Variants in ERG observed in about 807,000 individuals in gnomAD.
ERG encodes transcriptional regulator ERG.
A neutral mutation model predicts 55.3 loss-of-function variants in ERG; 9 were observed. The observed-to-expected ratio is 0.16, with a 90% CI of 0.10 to 0.28. ERG has a LOEUF of 0.28. Ranked by LOEUF, ERG falls within the 10% of genes least tolerant of loss-of-function variation. The pLI, the probability that ERG is intolerant of heterozygous loss-of-function variation, is 1.00. For missense variants in ERG, 434 were observed against 631.6 expected, an observed-to-expected ratio of 0.69 and a Z score of 3.35; for synonymous variants, 223 against 237.3, an observed-to-expected ratio of 0.94 and a Z score of 0.55.
rs757415467 is a variant in ERG at position 38,649,203 on chromosome 21, C to T, written c.-150+12455G>A. Among the ~76,000 whole-genome samples, 8 of 152,346 alleles carry T rather than the reference C, an allele frequency of 5.3e-5. No homozygotes were observed. The East Asian group carries it at 9.6e-4, about 18-fold the overall frequency. On this transcript the variant is annotated intron_variant, in intron 1 of 10. Transcript: ENST00000398910. ...CCCAACCTGAGAAGCTGATGGGAAA[C>T]GGCTGTTTTGGCATCACCGAGGGCT...
At chr21:38,546,417 G>A (rs575708567) in intron 2 of ERG, among the ~76,000 whole-genome samples, 142 of 152,148 alleles carry the variant, frequency 9.3e-4, no homozygotes, top group Middle Eastern at 3.4e-3. Flanking sequence ...CTTCTTGTGC[G>A]GGTGTATGCT....
intron 1 of ERG, among the ~76,000 whole-genome samples, chr21:38,580,945 G>A (rs564026315): frequency 6.6e-6 from 1 of 152,188 alleles, no homozygotes; most frequent in Non-Finnish European, 1.5e-5. Flanking sequence ...TGTGTTCTGC[G>A]GGTTAGGGGA....
intron 2 of ERG, among the ~76,000 whole-genome samples, chr21:38,515,337 C>T (rs1246467624): frequency 6.6e-6 from 1 of 151,876 alleles, no homozygotes; most frequent in Admixed American, 6.6e-5. Context: ...GAAATGGATA[C>T]ATTTCTGAAC....
intron 1 of ERG, among the ~76,000 whole-genome samples, chr21:38,610,752 T>A (rs2060222118): frequency 6.6e-6 from 1 of 152,168 alleles, no homozygotes; most frequent in Admixed American, 6.5e-5. Flanking sequence ...GGACTGTGCA[T>A]CTTGGCCACC....
At chr21:38,538,886 T>G (rs2059730799) in intron 2 of ERG, among the ~76,000 whole-genome samples, 1 of 151,780 alleles carries the variant, frequency 6.6e-6, no homozygotes, top group South Asian at 2.1e-4. Flanking sequence ...ACTGAGTTTC[T>G]TTCACAGTGC....
At chr21:38,611,725 T>C (rs1038240181) in intron 1 of ERG, among the ~76,000 whole-genome samples, 8 of 152,148 alleles carry the variant, frequency 5.3e-5, no homozygotes, top group Non-Finnish European at 1.2e-4. Flanking sequence ...ATTTGTCTTA[T>C]TGTCTGTCTG....
chr21:38,385,170 G>A (rs1280785619), intron 9 of ERG, among the ~76,000 whole-genome samples: 1 of 152,170 alleles, frequency 6.6e-6, no homozygotes, highest in Admixed American at 6.6e-5. Context: ...TACAATACTT[G>A]AAGATAGTTT....
At chr21:38,595,282 C>G (rs1057441519) in intron 1 of ERG, among the ~76,000 whole-genome samples, 16 of 152,100 alleles carry the variant, frequency 1.1e-4, no homozygotes, top group African/African-American at 3.9e-4. Flanking sequence ...GAGGCCAGTT[C>G]CAGGATGGCT....
At chr21:38,406,154 CAAAAAAAAA>C (rs56711562) in intron 3 of ERG, among the ~76,000 whole-genome samples, 33 of 95,026 alleles carry the variant, frequency 3.5e-4, no homozygotes, top group African/African-American at 1.2e-3. Flanking sequence ...GACTCCATCT[CAAAAAAAAA>C]AAAAAAAAAA....
At position 38,581,758 on chromosome 21, in the gene ERG, A is replaced by G. The variant is rs959922796; in HGVS notation, c.-127+3086T>C. Among the ~76,000 whole-genome samples the G allele has an allele frequency of 3.9e-5, 6 of 152,158 alleles. 1 individual carries two copies. The South Asian group carries it at 1.2e-3, about 31-fold the overall frequency. On this transcript the variant is annotated intron_variant, in intron 1 of 8. Coordinates refer to the ERG transcript ENST00000398897. ...GTGCAACCCAATGCTAAAGGGACAGAGGCGGCCAGGCGCGGTGGCTCACGC... is the reference window on the plus strand; with the variant it reads ...GTGCAACCCAATGCTAAAGGGACAGGGGCGGCCAGGCGCGGTGGCTCACGC...
intron 1 of ERG, among the ~76,000 whole-genome samples, chr21:38,458,401 G>A (rs561692990): frequency 1.9e-3 from 273 of 147,272 alleles, no homozygotes; most frequent in African/African-American, 6.6e-3. Context: ...TCCAGCCTGG[G>A]TGACAGAGTG....
intron 1 of ERG, among the ~76,000 whole-genome samples, chr21:38,590,104 TAC>T (rs2060090848): frequency 6.6e-6 from 1 of 152,194 alleles, no homozygotes; most frequent in South Asian, 2.1e-4. Context: ...AAATAACTAT[TAC>T]CATGATAAGT....
At chr21:38,607,680 A>T (rs2060204573) in intron 1 of ERG, among the ~76,000 whole-genome samples, 1 of 152,208 alleles carries the variant, frequency 6.6e-6, no homozygotes, top group African/African-American at 2.4e-5. Flanking sequence ...TTATGAGTGG[A>T]TATATATGCA....
At chr21:38,426,112 G>A (rs1256608868) in intron 2 of ERG, among the ~76,000 whole-genome samples, 1 of 152,194 alleles carries the variant, frequency 6.6e-6, no homozygotes, top group Admixed American at 6.5e-5. Flanking sequence ...GCACAGCCCT[G>A]CCTGATGGCA....
chr21:38,427,507 A>G (rs904567137), intron 2 of ERG, among the ~76,000 whole-genome samples: 1 of 152,202 alleles, frequency 6.6e-6, no homozygotes, highest in Non-Finnish European at 1.5e-5. Context: ...AGAGGTGTGA[A>G]CTGAGTACTC....
intron 1 of ERG, among the ~76,000 whole-genome samples, chr21:38,645,674 A>G (rs1330483699): frequency 6.6e-6 from 1 of 152,240 alleles, no homozygotes; most frequent in Non-Finnish European, 1.5e-5. Context: ...GACTTGAGAA[A>G]GAGTGAGCTT....
At chr21:38,564,463 A>G (rs188197498) in intron 2 of ERG, among the ~76,000 whole-genome samples, 11 of 152,274 alleles carry the variant, frequency 7.2e-5, no homozygotes, top group African/African-American at 2.6e-4. Flanking sequence ...CAAATATTAC[A>G]TAGCTGAGGG....
In ERG at chr21:38,382,247, T is replaced by C. The variant is rs918492474; in HGVS notation, c.*1156A>G. 4.9e-5 allele frequency: 51 copies of C among 1,050,062 alleles called. No individual in the cohort carries two copies. The highest frequency in any genetic ancestry group is 5.8e-5 in the Non-Finnish European group (50 of 869,332). 65.0% of individuals were successfully genotyped at this position (1,050,062 alleles called of 1,614,324 possible). On this transcript the variant is annotated 3_prime_UTR_variant, in exon 10 of 10. Coordinates refer to ENST00000288319, the MANE Select transcript of ERG (RefSeq NM_182918.4). ...TATTATATAAAAAGGGGGAAAAACA[T>C]TGACTTGTATACTTCATTCTGACAA...
intron 2 of ERG, among the ~76,000 whole-genome samples, chr21:38,536,362 GA>G (rs1357874485): frequency 1.3e-5 from 2 of 152,112 alleles, no homozygotes; most frequent in Non-Finnish European, 2.9e-5. Flanking sequence ...GTGGTTTCAA[GA>G]AGAGTCATTC....
Sources: allele counts gnomAD v4.1 joint callset (sites outside exome capture counted in the v4.1 genomes callset), GRCh38; gene constraint gnomAD v4.1.1; transcripts MANE v1.5; gene names NCBI Gene and HGNC (gene_info 2026-07-23, HGNC 2026-07-21).